Variants in UGT2B17 observed in about 807,000 individuals in gnomAD.
UGT2B17 encodes UDP-glucuronosyltransferase 2B17.
UGT2B17 carries 21 observed loss-of-function variants against 48.2 expected under a neutral mutation model. The observed-to-expected ratio is 0.44, with a 90% CI of 0.31 to 0.63. The LOEUF is 0.63. Among genes scored for constraint, UGT2B17 ranks in the 20% least tolerant of loss-of-function variants. UGT2B17 has a pLI of 0.08. For missense variants in UGT2B17, 402 were observed against 696.1 expected, an observed-to-expected ratio of 0.58 and a Z score of 4.75; for synonymous variants, 146 against 238.4, an observed-to-expected ratio of 0.61 and a Z score of 3.57.
intron 2 of UGT2B17, among the ~76,000 whole-genome samples, chr4:68,567,088 C>T (rs1731214155): frequency 8.0e-6 from 1 of 125,730 alleles, no homozygotes; most frequent in Non-Finnish European, 1.7e-5. Context: ...GATATGTGCT[C>T]TTCCTTATTT....
intron 4 of UGT2B17, among the ~76,000 whole-genome samples, chr4:68,557,526 T>C (rs1731024262): frequency 8.1e-6 from 1 of 123,902 alleles, no homozygotes; most frequent in African/African-American, 2.7e-5. Context: ...TTGTTTTGTT[T>C]TGTTTTTTTT....
Position 68,576,117 on chromosome 4 carries a change from T to C in UGT2B17, c.-231A>G. ...ATCTCATCACTCAGGCTGCCCGGAG[T>C]ACCCCACAGGGATGCTCCACAGGGC... On this transcript the variant is annotated 5_prime_UTR_variant, in exon 1 of 7. Transcript: ENST00000317746. Among the ~76,000 whole-genome samples, 2 of 124,442 alleles carry C rather than the reference T, an allele frequency of 1.6e-5. 1 individual carries two copies. The highest frequency in any genetic ancestry group is 3.4e-5 in the Non-Finnish European group (2 of 59,000). 81.6% of individuals were successfully genotyped at this position (124,442 alleles called of 152,430 possible).
chr4:68,573,528 G>T lies in UGT2B17; in HGVS notation c.-65+2423C>A, dbSNP rs1248993954. Among the ~76,000 whole-genome samples the T allele has an allele frequency of 1.6e-5, 2 of 126,282 alleles. 1 individual carries two copies. Among genetic ancestry groups the T allele is most frequent in the African/African-American group, 5.4e-5 (2 of 36,728 alleles). The allele number at this position is 126,282 out of a possible 152,430, so 82.8% of individuals were successfully genotyped here. A position where few individuals can be genotyped will look rare whatever the true frequency, so the allele number is the denominator to read the frequency against. ...GCTTTAAATTGATCTGGTATTCCTT[G>T]CAGGGCTTCGATTGCATCTAAATAG... On this transcript the variant is annotated intron_variant, in intron 1 of 6. Coordinates refer to ENST00000317746, the MANE Select transcript of UGT2B17 (RefSeq NM_001077.4).
Position 68,551,773 on chromosome 4 carries a change from T to C in UGT2B17, c.1093+51A>G, listed in dbSNP as rs1195251089. On this transcript the variant is annotated intron_variant, in intron 5 of 6. Coordinates refer to ENST00000317746, the MANE Select transcript of UGT2B17 (RefSeq NM_001077.4). The stretch of plus-strand genomic sequence containing the variant: ...TTGTTTTATGTTGAAATATTATCAC[T>C]TCTAATTGGCTGTTACTAATATATT... 8.1e-6 allele frequency: 9 copies of C among 1,114,230 alleles called. 1 individual carries two copies. The highest frequency in any genetic ancestry group is 1.1e-5 in the Non-Finnish European group (9 of 842,450). The allele number at this position is 1,114,230 out of a possible 1,614,324, so 69.0% of individuals were successfully genotyped here.
intron 6 of UGT2B17, among the ~76,000 whole-genome samples, chr4:68,542,431 T>G (rs1320048924): frequency 7.9e-6 from 1 of 126,420 alleles, no homozygotes; most frequent in African/African-American, 2.7e-5. Context: ...TTGATGGGAA[T>G]AGCTTTGAAT....
At position 68,561,786 on chromosome 4, in the gene UGT2B17, C is replaced by CAA. The variant is rs55755057; in HGVS notation, c.874-1120_874-1119dup. Among the ~76,000 whole-genome samples, 784 of 81,256 alleles carry CAA rather than the reference C, an allele frequency of 9.6e-3. 134 individuals are homozygous for CAA. Among genetic ancestry groups the CAA allele is most frequent in the Non-Finnish European group, 0.013 (520 of 40,352 alleles). 53.3% of individuals were successfully genotyped at this position (81,256 alleles called of 152,430 possible). On this transcript the variant is annotated intron_variant, in intron 3 of 6. Coordinates refer to ENST00000317746, the MANE Select transcript of UGT2B17 (RefSeq NM_001077.4). The stretch of plus-strand genomic sequence containing the variant: ...CACATCAGTCAATGTATTCTCACAC[C>CAA]AAAAAAAAAAAAAAAGAAAAAGAAA...
rs1223657221 is a variant in UGT2B17, at chr4:68,537,723, G to T, written c.1495C>A (p.Leu499Met). The change falls in exon 7 of 7, where the codon CTG becomes ATG. Residue 499 changes from leucine to methionine, a missense_variant. Around this residue, in one of 5 missense-constraint regions of UGT2B17, gnomAD observed 156 missense variants for 258.6 expected, o/e 0.60. Transcript: ENST00000317746. ...YHSLDVIAFL[L>M]ACVATMIFMI... ...AATATCATAGTTGCCACGCAGGCCA[G>T]CAGGAATGCTATCACATCCAAAGAG... is the stretch of plus-strand genomic sequence containing the variant. 14 of 1,379,138 alleles carry T rather than the reference G, an allele frequency of 1.0e-5. 4 individuals are homozygous for T. Among genetic ancestry groups the T allele is most frequent in the Non-Finnish European group, 1.3e-5 (14 of 1,054,860 alleles). The allele number at this position is 1,379,138 out of a possible 1,614,324, so 85.4% of individuals were successfully genotyped here. A position where few individuals can be genotyped will look rare whatever the true frequency, so the allele number is the denominator to read the frequency against.
At chr4:68,574,439 A>G (rs1336356777) in intron 1 of UGT2B17, among the ~76,000 whole-genome samples, 1 of 126,758 alleles carries the variant, frequency 7.9e-6, no homozygotes, top group Non-Finnish European at 1.7e-5. Flanking sequence ...ACCTTTTACA[A>G]TTTTTGTTAA....
At chr4:68,545,923 C>A (rs1159166792) in intron 6 of UGT2B17, among the ~76,000 whole-genome samples, 1 of 125,520 alleles carries the variant, frequency 8.0e-6, no homozygotes, top group South Asian at 3.8e-4. Context: ...GAAATTGAGG[C>A]AATAATTAAT....
At chr4:68,543,767 G>A (rs1268631250) in intron 6 of UGT2B17, among the ~76,000 whole-genome samples, 1 of 125,294 alleles carries the variant, frequency 8.0e-6, no homozygotes, top group Non-Finnish European at 1.7e-5. Context: ...ACCATGGCAC[G>A]AGAACTATGT....
chr4:68,540,139 G>T lies in UGT2B17; in HGVS notation c.1314-2235C>A. Among the ~76,000 whole-genome samples, 2 of 124,376 alleles carry T rather than the reference G, an allele frequency of 1.6e-5. 1 individual carries two copies. Among genetic ancestry groups the T allele is most frequent in the Non-Finnish European group, 3.4e-5 (2 of 59,026 alleles). The allele number at this position is 124,376 out of a possible 152,430, so 81.6% of individuals were successfully genotyped here. A position where few individuals can be genotyped will look rare whatever the true frequency, so the allele number is the denominator to read the frequency against. On this transcript the variant is annotated intron_variant, in intron 6 of 6. Coordinates refer to ENST00000317746, the MANE Select transcript of UGT2B17 (RefSeq NM_001077.4). ...TTCTGTCTACACACACACAACCAGA[G>T]ATATATGTATGGATACATATATACA...
intron 3 of UGT2B17, among the ~76,000 whole-genome samples, chr4:68,564,103 A>C (rs1236114751): frequency 4.9e-5 from 6 of 123,202 alleles, no homozygotes; most frequent in Non-Finnish European, 1.0e-4. Flanking sequence ...TGATTGCCTA[A>C]ACTCATGTAA....
rs185074009 is a variant in UGT2B17 at position 68,575,383 on chromosome 4, C to A, written c.-65+568G>T. On this transcript the variant is annotated intron_variant, in intron 1 of 6. Transcript: ENST00000317746. Reference sequence around the variant, plus strand: ...TACCTTAGAAACTAAAAAGACCTATCTAGGCTTCCTTCTGATGGCTAACCT... The same window carrying A: ...TACCTTAGAAACTAAAAAGACCTATATAGGCTTCCTTCTGATGGCTAACCT... Among the ~76,000 whole-genome samples, 48 of 123,970 alleles carry A rather than the reference C, an allele frequency of 3.9e-4. 9 individuals carry two copies. Among genetic ancestry groups the A allele is most frequent in the African/African-American group, 1.2e-3 (45 of 36,132 alleles). 81.3% of individuals were successfully genotyped at this position (123,970 alleles called of 152,430 possible).
At position 68,545,064 on chromosome 4, in the gene UGT2B17, C is replaced by T. The variant is rs1343132928; in HGVS notation, c.1313+5613G>A. 1.8e-3 allele frequency among the ~76,000 whole-genome samples: 223 copies of T among 125,504 alleles called. 52 individuals carry two copies. Among genetic ancestry groups the T allele is most frequent in the Non-Finnish European group, 2.7e-3 (161 of 59,340 alleles). The allele number at this position is 125,504 out of a possible 152,430, so 82.3% of individuals were successfully genotyped here. A position where few individuals can be genotyped will look rare whatever the true frequency, so the allele number is the denominator to read the frequency against. Reference sequence around the variant, plus strand: ...TCCAAGAATTGAACTCAGCTCTGCACGAAGAGGACCTAATAGACATCTACA... The same window carrying T: ...TCCAAGAATTGAACTCAGCTCTGCATGAAGAGGACCTAATAGACATCTACA... On this transcript the variant is annotated intron_variant, in intron 6 of 6. Coordinates refer to ENST00000317746, the MANE Select transcript of UGT2B17 (RefSeq NM_001077.4).
At chr4:68,543,026 C>A (rs1165673647) in intron 6 of UGT2B17, among the ~76,000 whole-genome samples, 1 of 126,470 alleles carries the variant, frequency 7.9e-6, no homozygotes, top group Non-Finnish European at 1.7e-5. Flanking sequence ...AGGGCATAAC[C>A]AAACAAAAGG....
chr4:68,561,570 G>A (rs1731103924), intron 3 of UGT2B17, among the ~76,000 whole-genome samples: 1 of 123,592 alleles, frequency 8.1e-6, no homozygotes, highest in African/African-American at 2.8e-5. Flanking sequence ...CTCACAGGGG[G>A]CACTTGAACC....
rs1409670580 is a variant in UGT2B17 at position 68,572,397 on chromosome 4, G to A, written c.-65+3554C>T. Among the ~76,000 whole-genome samples the A allele has an allele frequency of 9.5e-5, 12 of 126,174 alleles. 2 individuals are homozygous for A. The highest frequency in any genetic ancestry group is 2.4e-4 in the African/African-American group (9 of 36,742). 82.8% of individuals were successfully genotyped at this position (126,174 alleles called of 152,430 possible). A position where few individuals can be genotyped will look rare whatever the true frequency, so the allele number is the denominator to read the frequency against. On this transcript the variant is annotated intron_variant, in intron 1 of 6. Transcript: ENST00000317746. ...ATTGTTCATAACACACATCAGGTTGGTTATTTCCTGGGCTACATACCTTGG... is the reference window on the plus strand; with the variant it reads ...ATTGTTCATAACACACATCAGGTTGATTATTTCCTGGGCTACATACCTTGG...
intron 4 of UGT2B17, among the ~76,000 whole-genome samples, chr4:68,553,188 A>T (rs1253179738): frequency 8.0e-6 from 1 of 125,650 alleles, no homozygotes; most frequent in Non-Finnish European, 1.7e-5. Flanking sequence ...ACCTGACTTG[A>T]TCATATCTGA....
At chr4:68,545,668 A>G (rs1183088093) in intron 6 of UGT2B17, among the ~76,000 whole-genome samples, 2 of 125,932 alleles carry the variant, frequency 1.6e-5, no homozygotes, top group Non-Finnish European at 3.4e-5. Flanking sequence ...CAAAATTGAT[A>G]GACTGCTAGC....
Sources: gnomAD v4.1 joint callset for allele counts (sites outside exome capture counted in the v4.1 genomes callset) on GRCh38, gnomAD v4.1.1 for gene constraint, gnomAD v4.1.1 regional missense constraint, MANE v1.5 for transcripts, NCBI Gene and HGNC (gene_info 2026-07-23, HGNC 2026-07-21) for gene names.